The following HMCN1 variants were observed in gnomAD, a reference collection of about 807,000 sequenced individuals.
HMCN1 encodes hemicentin 1.
HMCN1 carries 321 observed loss-of-function variants against 625.9 expected under a neutral mutation model. The ratio of observed to expected loss-of-function variants is 0.51; its 90% CI spans 0.47 to 0.56. HMCN1 has a LOEUF of 0.56. Among genes scored for constraint, HMCN1 ranks in the 20% least tolerant of loss-of-function variants. The probability of loss-of-function intolerance (pLI) is 0.00; values close to 1 mark genes in which losing one functional copy is unlikely to be tolerated. For synonymous variants in HMCN1, 2,425 were observed against 2,417.6 expected (o/e 1.00, Z -0.09); for missense variants, 6,588 against 6,887.3 (o/e 0.96, Z 1.54).
chr1:185,776,841 T>C (rs1656648509), intron 1 of HMCN1, among the ~76,000 whole-genome samples: 1 of 152,248 alleles, frequency 6.6e-6, no homozygotes. Context: ...GAATATTCAC[T>C]TTTTATAAGA....
chr1:186,111,020 G>T (rs923175853), intron 71 of HMCN1, among the ~76,000 whole-genome samples: 3 of 88,590 alleles, frequency 3.4e-5, no homozygotes, highest in Non-Finnish European at 6.2e-5. Flanking sequence ...TCGCTCTGTC[G>T]CCCAGGTTGG....
chr1:186,068,125 T>C (rs897155097), intron 50 of HMCN1, 118 bp downstream of exon 50: 18 of 1,007,582 alleles, frequency 1.8e-5, no homozygotes, highest in Non-Finnish European at 2.6e-5. Context: ...TGTTATGTTC[T>C]GTGCAGCCTG....
At chr1:186,063,076 A>G (rs1168381622) in intron 48 of HMCN1, among the ~76,000 whole-genome samples, 3 of 89,540 alleles carry the variant, frequency 3.4e-5, no homozygotes, top group Non-Finnish European at 6.7e-5. Context: ...GCATATATAT[A>G]TATATATATA....
Position 186,055,618 on chromosome 1 carries a change from G to C in HMCN1, c.7088G>C (p.Cys2363Ser). Residue 2363 changes from cysteine (C) to serine (S), a missense_variant, in exon 45 of 107, where the codon TGT (cysteine) becomes TCT (serine). Physicochemically the swap from Cys to Ser is moderately radical, Grantham distance 112. Coordinates refer to ENST00000271588, the MANE Select transcript of HMCN1 (RefSeq NM_031935.3). ...IHVSDTGRYVCVAVNVAGMTD... is the reference protein window; with the variant it reads ...IHVSDTGRYVSVAVNVAGMTD... ...GTATCTGACACAGGCCGTTATGTGT[G>C]TGTTGCTGTGAATGTAGCAGGAATG... The C allele has an allele frequency of 6.2e-7, 1 of 1,612,810 alleles. No homozygotes were observed. The highest frequency in any genetic ancestry group is 8.5e-7 in the Non-Finnish European group (1 of 1,179,146).
intron 64 of HMCN1, among the ~76,000 whole-genome samples, chr1:186,092,333 T>A (rs941717670): frequency 2.6e-5 from 4 of 152,004 alleles, no homozygotes; most frequent in East Asian, 1.9e-4. Flanking sequence ...ATTAAAAAAA[T>A]TTTATTTTGA....
chr1:186,058,401 A>G (rs1657484982), intron 46 of HMCN1, among the ~76,000 whole-genome samples: 2 of 151,972 alleles, frequency 1.3e-5, no homozygotes, highest in African/African-American at 4.8e-5. Context: ...GTGCACTATA[A>G]ACTTAGCAGA....
intron 48 of HMCN1, among the ~76,000 whole-genome samples, chr1:186,063,489 GGAAGGAAGGA>G (rs1657906849): frequency 6.9e-6 from 1 of 145,632 alleles, no homozygotes; most frequent in Non-Finnish European, 1.5e-5. Flanking sequence ...AAGGAAGGAA[GGAAGGAAGGA>G]AGGAAGGAAG....
At chr1:186,149,924 T>C (rs7512168) in intron 93 of HMCN1, among the ~76,000 whole-genome samples, 90,796 of 152,048 alleles carry the variant, frequency 0.6, 29,701 homozygotes, top group African/African-American at 0.88. Context: ...CATATGGGCA[T>C]GGTTCATGAA....
intron 12 of HMCN1, among the ~76,000 whole-genome samples, chr1:185,963,139 G>T (rs540472751): frequency 2.0e-5 from 3 of 152,228 alleles, no homozygotes; most frequent in South Asian, 4.1e-4. Flanking sequence ...TTCACTGGGT[G>T]CTTTTTAAAA....
At chr1:186,126,494 G>GTGTC (rs1661653428) in intron 82 of HMCN1, among the ~76,000 whole-genome samples, 1 of 152,006 alleles carries the variant, frequency 6.6e-6, no homozygotes, top group Admixed American at 6.6e-5. Context: ...GGGGAAAAGA[G>GTGTC]TGTCAGGAGT....
At chr1:185,951,169 G>A (rs1165127618) in intron 11 of HMCN1, among the ~76,000 whole-genome samples, 7 of 151,012 alleles carry the variant, frequency 4.6e-5, no homozygotes, top group Non-Finnish European at 8.8e-5. Context: ...AGAGGAGGAC[G>A]CAAAGGAGGC....
chr1:185,907,036 A>C (rs999059890), intron 4 of HMCN1, among the ~76,000 whole-genome samples: 2 of 151,102 alleles, frequency 1.3e-5, no homozygotes, highest in Non-Finnish European at 3.0e-5. Context: ...TGATTATTAA[A>C]GTATGTGTTC....
chr1:186,140,741 T>TCTTC (rs1649904967), intron 89 of HMCN1, among the ~76,000 whole-genome samples: 1 of 152,186 alleles, frequency 6.6e-6, no homozygotes, highest in Non-Finnish European at 1.5e-5. Context: ...TCCATCATTA[T>TCTTC]CTTCCATATC....
At position 186,004,820 on chromosome 1, in the gene HMCN1, G is replaced by A. The variant is rs548958255; in HGVS notation, c.4475+976G>A. ...AGAGGCTTGTACATTGATATTTACT[G>A]CAACACTGTGATGGCAAAGATGGGA... On this transcript the variant is annotated intron_variant, in intron 29 of 106. Transcript: ENST00000271588. Among the ~76,000 whole-genome samples the A allele has an allele frequency of 1.1e-4, 16 of 152,142 alleles. No homozygotes were observed. The East Asian group carries it at 3.1e-3, about 29-fold the overall frequency.
intron 57 of HMCN1, among the ~76,000 whole-genome samples, chr1:186,084,095 T>C (rs1350475719): frequency 6.6e-6 from 1 of 152,144 alleles, no homozygotes; most frequent in African/African-American, 2.4e-5. Context: ...AAGCATCTTG[T>C]AAATACCCCA....
chr1:185,822,284 C>G (rs988359116), intron 1 of HMCN1, among the ~76,000 whole-genome samples: 7 of 150,242 alleles, frequency 4.7e-5, no homozygotes, highest in African/African-American at 1.7e-4. Context: ...TTGATAATGG[C>G]GGAGGTTGTG....
At chr1:186,033,096 C>T (rs571079717) in intron 36 of HMCN1, among the ~76,000 whole-genome samples, 1 of 142,480 alleles carries the variant, frequency 7.0e-6, no homozygotes, top group Non-Finnish European at 1.5e-5. Flanking sequence ...ACACACACAC[C>T]ATGGAATACT....
intron 18 of HMCN1, among the ~76,000 whole-genome samples, chr1:185,983,270 A>G (rs1651781077): frequency 6.6e-6 from 1 of 152,044 alleles, no homozygotes; most frequent in Admixed American, 6.6e-5. Flanking sequence ...TCTGGCTCAG[A>G]GCATTTTTCT....
At chr1:186,088,111 T>C in intron 61 of HMCN1, 34 bp from the exon 62 acceptor site, 1 of 1,602,228 alleles carries the variant, frequency 6.2e-7, no homozygotes, top group Non-Finnish European at 8.5e-7. Context: ...TTTTCTTCTG[T>C]TTTTTTGTTT....
Sources: gnomAD v4.1 joint callset for allele counts (sites outside exome capture counted in the v4.1 genomes callset) on GRCh38, gnomAD v4.1.1 for gene constraint, MANE v1.5 for transcripts, NCBI Gene and HGNC (gene_info 2026-07-23, HGNC 2026-07-21) for gene names.